Variants in TIAL1 observed in about 807,000 individuals in gnomAD.
TIAL1 encodes the protein TIA1 cytotoxic granule associated RNA binding protein like 1, also known as nucleolysin TIAR.
TIAL1 carries 7 observed loss-of-function variants against 59.7 expected under a neutral mutation model. That is an observed-to-expected ratio of 0.12 (90% CI 0.07 to 0.22). The LOEUF (loss-of-function observed/expected upper bound fraction) is 0.22, where lower values mean the gene tolerates loss of function less well. Ranked by LOEUF, TIAL1 falls within the 10% of genes least tolerant of loss-of-function variation. TIAL1 has a pLI of 1.00. For missense variants in TIAL1, 225 were observed against 462.5 expected, an observed-to-expected ratio of 0.49 and a Z score of 4.71; for synonymous variants, 149 against 146.3, an observed-to-expected ratio of 1.02 and a Z score of -0.13.
In TIAL1 at chr10:119,588,520, T is replaced by C. The variant is rs986215529; in HGVS notation, c.33-272A>G. 3.3e-5 allele frequency among the ~76,000 whole-genome samples: 5 copies of C among 152,132 alleles called. No individual in the cohort carries two copies. In the East Asian group the frequency reaches 9.6e-4, roughly 29 times the overall value. Reference sequence around the variant, plus strand: ...CACCATGCCTGGCTAATTTTTGTATTCTTAGTAGAGACAGGGTTTCATCGT... The same window carrying C: ...CACCATGCCTGGCTAATTTTTGTATCCTTAGTAGAGACAGGGTTTCATCGT... On this transcript the variant is annotated intron_variant, in intron 1 of 11. Transcript: ENST00000436547.
rs1248701995 is a variant in TIAL1 at position 119,575,545 on chromosome 10, C to A, written c.*120G>T. 2 of 1,388,916 alleles carry A rather than the reference C, an allele frequency of 1.4e-6. No homozygotes were observed. Among genetic ancestry groups the A allele is most frequent in the Non-Finnish European group, 2.0e-6 (2 of 998,012 alleles). The allele number at this position is 1,388,916 out of a possible 1,614,324, so 86.0% of individuals were successfully genotyped here. On this transcript the variant is annotated 3_prime_UTR_variant, in exon 12 of 12. Transcript: ENST00000436547. The stretch of plus-strand genomic sequence containing the variant: ...CCAAAGCAAATCTGTGCTAAAGGTT[C>A]CAAACATTTCAATTTTTAAAATAAA...
chr10:119,596,264 C>T (rs1846183653), intron 1 of TIAL1, among the ~76,000 whole-genome samples, 170 bp downstream of exon 1: 1 of 152,196 alleles, frequency 6.6e-6, no homozygotes, highest in Non-Finnish European at 1.5e-5. Flanking sequence ...GGGAGGATTT[C>T]CTTCCCAAGG....
chr10:119,578,967 C>G, intron 6 of TIAL1, 133 bp from the exon 7 acceptor site: 1 of 661,172 alleles, frequency 1.5e-6, no homozygotes, highest in Admixed American at 2.8e-5. Flanking sequence ...CTAAACAAAA[C>G]GAAACTGAAC....
At chr10:119,590,834 A>G (rs1845848376) in intron 1 of TIAL1, among the ~76,000 whole-genome samples, 1 of 152,172 alleles carries the variant, frequency 6.6e-6, no homozygotes. Context: ...CGAACAAGTG[A>G]TCTTGAGCTT....
At position 119,582,888 on chromosome 10, in the gene TIAL1, G is replaced by T. The variant is rs992979475; in HGVS notation, c.130-331C>A. ...AAACCTCAAACTCAGATCTGATGAG[G>T]ACCACTCCTTACCACTACTTTCCTT... On this transcript the variant is annotated intron_variant, in intron 2 of 11. Coordinates refer to ENST00000436547, the MANE Select transcript of TIAL1 (RefSeq NM_003252.4). The surrounding 1 kb of genome is among the most constrained non-coding windows in gnomAD (Gnocchi z 5.1). 6.6e-6 allele frequency among the ~76,000 whole-genome samples: 1 copy of T among 151,988 alleles called. No individual in the cohort carries two copies. Among genetic ancestry groups the T allele is most frequent in the African/African-American group, 2.4e-5 (1 of 41,400 alleles).
chr10:119,593,907 C>G (rs1846015807), intron 1 of TIAL1, among the ~76,000 whole-genome samples: 1 of 152,112 alleles, frequency 6.6e-6, no homozygotes, highest in African/African-American at 2.4e-5. Flanking sequence ...ACAGTAATGT[C>G]TGCCTACAAT....
At chr10:119,594,570 A>G (rs571909382) in intron 1 of TIAL1, among the ~76,000 whole-genome samples, 20 of 152,310 alleles carry the variant, frequency 1.3e-4, no homozygotes, top group African/African-American at 4.8e-4. Context: ...CTTATATCAA[A>G]GTACACATTG....
At chr10:119,588,295 G>T in intron 1 of TIAL1, 47 bp from the exon 2 acceptor site, 4 of 1,136,900 alleles carry the variant, frequency 3.5e-6, no homozygotes, top group Admixed American at 2.2e-5. Flanking sequence ...CTTTAGCTCT[G>T]GCTCTAATGT....
chr10:119,588,406 T>C, intron 1 of TIAL1, 158 bp from the exon 2 acceptor site: 3 of 418,470 alleles, frequency 7.2e-6, no homozygotes, highest in Non-Finnish European at 1.3e-5. Context: ...TGCAATGGCA[T>C]GATCTCAGCT....
At chr10:119,583,888 A>G (rs758734504) in intron 2 of TIAL1, among the ~76,000 whole-genome samples, 3 of 152,232 alleles carry the variant, frequency 2.0e-5, no homozygotes, top group Admixed American at 2.0e-4. Flanking sequence ...GAAAACACAC[A>G]TTTAAATTCT....
intron 7 of TIAL1, among the ~76,000 whole-genome samples, 178 bp from the exon 8 acceptor site, chr10:119,577,914 A>C (rs1455768721): frequency 1.3e-5 from 2 of 152,074 alleles, no homozygotes; most frequent in Non-Finnish European, 2.9e-5. Flanking sequence ...ACATGACGAA[A>C]TCCTGTCTCT....
intron 1 of TIAL1, among the ~76,000 whole-genome samples, chr10:119,590,738 A>G (rs4751744): frequency 7.4e-6 from 1 of 135,706 alleles, no homozygotes; most frequent in East Asian, 2.2e-4. Flanking sequence ...GAAAGAGAGA[A>G]AGAGAGAGAG....
chr10:119,596,303 G>A (rs1846186374), intron 1 of TIAL1, 131 bp downstream of exon 1: 5 of 921,934 alleles, frequency 5.4e-6, no homozygotes, highest in Non-Finnish European at 8.7e-6. Flanking sequence ...AATGCACTTC[G>A]CGTCCACGCC....
Position 119,582,289 on chromosome 10 carries a change from A to T in TIAL1, c.229-66T>A. The stretch of plus-strand genomic sequence containing the variant: ...TCATGAGTTACAACACTTACCACTT[A>T]TTAAATCATTTATCAAGCAGGGTTA... On this transcript the variant is annotated intron_variant, in intron 3 of 11. Coordinates refer to ENST00000436547, the MANE Select transcript of TIAL1 (RefSeq NM_003252.4). The surrounding 1 kb of genome is among the most constrained non-coding windows in gnomAD (Gnocchi z 5.1). 6.7e-7 allele frequency: 1 copy of T among 1,482,670 alleles called. No homozygotes were observed. The highest frequency in any genetic ancestry group is 2.3e-5 in the East Asian group (1 of 43,896). The allele number at this position is 1,482,670 out of a possible 1,614,324, so 91.8% of individuals were successfully genotyped here. A position where few individuals can be genotyped will look rare whatever the true frequency, so the allele number is the denominator to read the frequency against.
At position 119,596,706 on chromosome 10, in the gene TIAL1, G is replaced by A. The variant is rs1024516980; in HGVS notation, c.-241C>T. The A allele has an allele frequency of 4.4e-5, 25 of 573,440 alleles. No individual in the cohort carries two copies. The South Asian group carries it at 5.0e-4, about 12-fold the overall frequency. 35.5% of individuals were successfully genotyped at this position (573,440 alleles called of 1,614,324 possible). On this transcript the variant is annotated 5_prime_UTR_variant, in exon 1 of 12. Coordinates refer to ENST00000436547, the MANE Select transcript of TIAL1 (RefSeq NM_003252.4). ...CGCCACCAGCCAGGCAGGAAACAGGGCAGAGCGCAGGCGCGACCCGCCAGG... is the reference window on the plus strand; with the variant it reads ...CGCCACCAGCCAGGCAGGAAACAGGACAGAGCGCAGGCGCGACCCGCCAGG...
rs755391028 is a variant in TIAL1 at position 119,577,546 on chromosome 10, A to G, written c.653-11T>C. The G allele has an allele frequency of 1.7e-5, 27 of 1,612,534 alleles. No homozygotes were observed. Among genetic ancestry groups the G allele is most frequent in the Non-Finnish European group, 1.7e-6 (2 of 1,178,774 alleles). On this transcript the variant is annotated splice_polypyrimidine_tract_variant and intron_variant, in intron 8 of 11. Transcript: ENST00000436547. ...GTCTCATAAGCTGATCTATAAAACA[A>G]AACATACAAATAAAACATGGCTGAT...
Position 119,582,522 on chromosome 10 carries a change from A to G in TIAL1, c.165T>C (p.Phe55=). 2 of 1,611,672 alleles carry G rather than the reference A, an allele frequency of 1.2e-6. No homozygotes were observed. Among genetic ancestry groups the G allele is most frequent in the Non-Finnish European group, 1.7e-6 (2 of 1,179,228 alleles). ...CAGCAGCTGCATCTCTGTGTTCATA[A>G]AATTCCACAAAGCAATATGGGTCAT... ...TSNDPYCFVE[F]YEHRDAAAAL... The change falls in exon 3 of 12, where the codon TTT becomes TTC. Residue 55 remains phenylalanine (F), a synonymous_variant. Coordinates refer to ENST00000436547, the MANE Select transcript of TIAL1 (RefSeq NM_003252.4). The surrounding 1 kb of genome is among the most constrained non-coding windows in gnomAD (Gnocchi z 5.1).
At chr10:119,587,911 C>T (rs1305897963) in intron 2 of TIAL1, among the ~76,000 whole-genome samples, 1 of 152,186 alleles carries the variant, frequency 6.6e-6, no homozygotes, top group Non-Finnish European at 1.5e-5. Flanking sequence ...GTTCTGAAAG[C>T]AGAATCACTT....
At position 119,596,359 on chromosome 10, in the gene TIAL1, C is replaced by T. The variant is rs994324900; in HGVS notation, c.32+75G>A. The T allele has an allele frequency of 7.7e-6, 12 of 1,565,350 alleles. No individual in the cohort carries two copies. The African/African-American group carries it at 1.4e-4, about 18-fold the overall frequency. ...TAGAGTCCCGGCTTCGGCCCAGTCT[C>T]TCCTGCTCCCTCCCTTAGCGTCCCG... On this transcript the variant is annotated intron_variant, in intron 1 of 11. Coordinates refer to ENST00000436547, the MANE Select transcript of TIAL1 (RefSeq NM_003252.4).
Sources: allele counts gnomAD v4.1 joint callset (sites outside exome capture counted in the v4.1 genomes callset), GRCh38; gene constraint gnomAD v4.1.1; non-coding constraint Gnocchi (gnomAD v3.1); transcripts MANE v1.5; gene names NCBI Gene and HGNC (gene_info 2026-07-23, HGNC 2026-07-21).